The following DCAF12 variants were observed in gnomAD, a reference collection of about 807,000 sequenced individuals.
DCAF12 encodes the protein DDB1 and CUL4 associated factor 12, also known as DDB1- and CUL4-associated factor 12.
Under a neutral mutation model 52.8 loss-of-function variants are expected in DCAF12, and 28 were observed. That is an observed-to-expected ratio of 0.53 (90% CI 0.39 to 0.73). DCAF12 has a LOEUF of 0.73. Ranked by LOEUF, DCAF12 falls within the 30% of genes least tolerant of loss-of-function variation. DCAF12 has a pLI of 0.00. For missense variants in DCAF12, 425 were observed against 552.2 expected, an observed-to-expected ratio of 0.77 and a Z score of 2.31; for synonymous variants, 196 against 215.5, an observed-to-expected ratio of 0.91 and a Z score of 0.79.
In DCAF12 at chr9:34,106,501, G is replaced by A. The variant is rs1828906489; in HGVS notation, c.541-7C>T. ...TCCAGTCCTTGTGTCCATCCTTGGA[G>A]AGCAGGGAGTAACAGGTACAGGGAG... is the stretch of plus-strand genomic sequence containing the variant. On this transcript the variant is annotated splice_polypyrimidine_tract_variant and splice_region_variant and intron_variant, in intron 3 of 8. Transcript: ENST00000361264. The A allele has an allele frequency of 1.2e-6, 2 of 1,608,530 alleles. No individual in the cohort carries two copies. Among genetic ancestry groups the A allele is most frequent in the African/African-American group, 1.3e-5 (1 of 74,866 alleles).
chr9:34,123,731 T>C lies in DCAF12; in HGVS notation c.333+1292A>G, dbSNP rs543586216. On this transcript the variant is annotated intron_variant, in intron 2 of 8. Transcript: ENST00000361264. ...ATTAATTCAGTTTACAATTCAGTAATATTTGCTAGGCTAAACACTATGATG... is the reference window on the plus strand; with the variant it reads ...ATTAATTCAGTTTACAATTCAGTAACATTTGCTAGGCTAAACACTATGATG... 6.6e-5 allele frequency among the ~76,000 whole-genome samples: 10 copies of C among 152,240 alleles called. No individual in the cohort carries two copies. In the South Asian group the frequency reaches 1.9e-3, roughly 28 times the overall value.
chr9:34,125,432 T>C, intron 1 of DCAF12, 155 bp from the exon 2 acceptor site: 1 of 871,120 alleles, frequency 1.1e-6, no homozygotes, highest in Non-Finnish European at 1.8e-6. Flanking sequence ...ATCCAGAAAG[T>C]CGTTTAACTC....
chr9:34,124,941 G>T, intron 2 of DCAF12, 82 bp downstream of exon 2: 1 of 1,539,390 alleles, frequency 6.5e-7, no homozygotes, highest in Non-Finnish European at 8.8e-7. Context: ...GAAACAGACG[G>T]GAAAACTAGC....
chr9:34,088,633 T>G, intron 8 of DCAF12, 125 bp from the exon 9 acceptor site: 1 of 1,047,994 alleles, frequency 9.5e-7, no homozygotes, highest in South Asian at 1.4e-5. Flanking sequence ...CAACCTCATG[T>G]CAGGAGATTG....
chr9:34,121,912 C>T (rs1362533687), intron 2 of DCAF12, among the ~76,000 whole-genome samples: 1 of 152,168 alleles, frequency 6.6e-6, no homozygotes, highest in African/African-American at 2.4e-5. Context: ...CACTGCACTC[C>T]AGCCTGGTGA....
At position 34,087,807 on chromosome 9, in the gene DCAF12, T is replaced by C. The variant is rs1034350347; in HGVS notation, c.*543A>G. 6.6e-6 allele frequency: 1 copy of C among 152,174 alleles called. No individual in the cohort carries two copies. The highest frequency in any genetic ancestry group is 1.5e-5 in the Non-Finnish European group (1 of 68,048). The allele number at this position is 152,174 out of a possible 1,614,324, so 9.4% of individuals were successfully genotyped here. A position where few individuals can be genotyped will look rare whatever the true frequency, so the allele number is the denominator to read the frequency against. On this transcript the variant is annotated 3_prime_UTR_variant, in exon 9 of 9. Transcript: ENST00000361264. ...GCTGGACTCTGTGAATAAAGTTGTT[T>C]CTTTTATAAATATTTTAATTACAAG... is the stretch of plus-strand genomic sequence containing the variant.
intron 6 of DCAF12, among the ~76,000 whole-genome samples, chr9:34,094,720 C>T (rs565015364): frequency 3.2e-4 from 49 of 151,770 alleles, no homozygotes; most frequent in Non-Finnish European, 4.0e-4. Flanking sequence ...TTAGTAGAGA[C>T]GGGGTTTCAC....
In DCAF12 at chr9:34,106,880, C is replaced by T. The variant is rs141543913; in HGVS notation, c.541-386G>A. Among the ~76,000 whole-genome samples, 887 of 152,274 alleles carry T rather than the reference C, an allele frequency of 5.8e-3. 4 individuals carry two copies. The highest frequency in any genetic ancestry group is 0.044 in the Middle Eastern group (13 of 294). On this transcript the variant is annotated intron_variant, in intron 3 of 8. Coordinates refer to ENST00000361264, the MANE Select transcript of DCAF12 (RefSeq NM_015397.4). ...AAACTTTATCTTCTGATACAGCATC[C>T]TCCACCTTACTCTCAGTCCCTTTAT...
intron 2 of DCAF12, among the ~76,000 whole-genome samples, chr9:34,119,543 TTAAG>T (rs1829139545): frequency 6.6e-6 from 1 of 152,214 alleles, no homozygotes; most frequent in Non-Finnish European, 1.5e-5. Flanking sequence ...CACTATTTAC[TTAAG>T]TATTCGATTG....
At chr9:34,106,566 C>G in intron 3 of DCAF12, 72 bp from the exon 4 acceptor site, 1 of 1,270,268 alleles carries the variant, frequency 7.9e-7, no homozygotes, top group South Asian at 1.3e-5. Flanking sequence ...GTAATAAACT[C>G]TCTAAAGAAG....
At chr9:34,093,188 C>G in intron 7 of DCAF12, 98 bp downstream of exon 7, 2 of 1,452,920 alleles carry the variant, frequency 1.4e-6, no homozygotes, top group Non-Finnish European at 9.5e-7. Flanking sequence ...ATGTTCCATA[C>G]AGAGCACTAT....
chr9:34,091,639 CAA>C (rs34922785), intron 7 of DCAF12, among the ~76,000 whole-genome samples: 2 of 80,516 alleles, frequency 2.5e-5, no homozygotes, highest in East Asian at 4.3e-4. Flanking sequence ...ACCCTGTCTT[CAA>C]AAAAAAAAAA....
intron 2 of DCAF12, among the ~76,000 whole-genome samples, chr9:34,124,437 ACTGT>A (rs1451324633): frequency 6.6e-6 from 1 of 152,204 alleles, no homozygotes; most frequent in Non-Finnish European, 1.5e-5. Context: ...TTCATTTATA[ACTGT>A]CTTTCTATTC....
chr9:34,118,621 A>C (rs1232267691), intron 2 of DCAF12, among the ~76,000 whole-genome samples: 1 of 152,172 alleles, frequency 6.6e-6, no homozygotes, highest in East Asian at 1.9e-4. Context: ...AGAGACGGTA[A>C]TTACGTATCT....
At chr9:34,100,365 A>G (rs1164309146) in intron 4 of DCAF12, among the ~76,000 whole-genome samples, 1 of 151,092 alleles carries the variant, frequency 6.6e-6, no homozygotes, top group Non-Finnish European at 1.5e-5. Context: ...CGCCTGGCTA[A>G]TTTTTTGTAT....
At chr9:34,111,474 A>T (rs1186780730) in intron 2 of DCAF12, among the ~76,000 whole-genome samples, 1 of 152,228 alleles carries the variant, frequency 6.6e-6, no homozygotes, top group Non-Finnish European at 1.5e-5. Context: ...TGTCTTCCTC[A>T]TAAAGCTATT....
At chr9:34,093,262 T>G (rs1308435125) in intron 7 of DCAF12, 24 bp downstream of exon 7, 1 of 1,613,806 alleles carries the variant, frequency 6.2e-7, no homozygotes, top group Non-Finnish European at 8.5e-7. Flanking sequence ...GCTGTAGGCC[T>G]GAGGTGCACA....
In DCAF12 at chr9:34,096,737, C is replaced by A. The variant is rs1255414202; in HGVS notation, c.840G>T (p.Lys280Asn). ...VSLDGYFHLWKAENTLSKLLS... is the reference protein window; with the variant it reads ...VSLDGYFHLWNAENTLSKLLS... ...ACACCTTAGATAGTGTATTTTCAGC[C>A]TTCCAGAGATGAAAGTAGCCATCCA... Residue 280 changes from lysine to asparagine, a missense_variant, in exon 6 of 9, where the codon AAG becomes AAT. Lys to Asn is a moderately conservative substitution (Grantham distance 94, BLOSUM62 0). This residue lies in a region of DCAF12 where 328 missense variants were observed against 444.4 expected (regional missense o/e 0.74). Transcript: ENST00000361264. 1 of 1,614,064 alleles carries A rather than the reference C, an allele frequency of 6.2e-7. No homozygotes were observed. The highest frequency in any genetic ancestry group is 1.7e-5 in the Admixed American group (1 of 60,008).
At chr9:34,099,243 A>C (rs903028237) in intron 4 of DCAF12, among the ~76,000 whole-genome samples, 1 of 150,106 alleles carries the variant, frequency 6.7e-6, no homozygotes, top group Non-Finnish European at 1.5e-5. Flanking sequence ...AATTCTTTTT[A>C]TTTTTATTTT....
Sources: gnomAD v4.1 joint callset for allele counts (sites outside exome capture counted in the v4.1 genomes callset) on GRCh38, gnomAD v4.1.1 for gene constraint, gnomAD v4.1.1 regional missense constraint, MANE v1.5 for transcripts, NCBI Gene and HGNC (gene_info 2026-07-23, HGNC 2026-07-21) for gene names.